CDH13: variants seen among roughly 807,000 people sequenced by gnomAD.
The protein encoded by CDH13 is cadherin-13.
CDH13 carries 24 observed loss-of-function variants against 63.8 expected under a neutral mutation model. That is an observed-to-expected ratio of 0.38 (90% CI 0.27 to 0.53). CDH13 has a LOEUF of 0.53. Among genes scored for constraint, CDH13 ranks in the 20% least tolerant of loss-of-function variants. CDH13 has a pLI of 0.85. For missense variants in CDH13, 1,049 were observed against 903.1 expected, an observed-to-expected ratio of 1.16 and a Z score of -2.07; for synonymous variants, 503 against 355.3, an observed-to-expected ratio of 1.42 and a Z score of -4.67.
chr16:83,313,465 A>T (rs545022868), intron 5 of CDH13, among the ~76,000 whole-genome samples: 28 of 152,178 alleles, frequency 1.8e-4, no homozygotes, highest in Non-Finnish European at 3.2e-4. Flanking sequence ...CTTTTCAGTA[A>T]GGTTACTCTG....
chr16:82,693,837 A>G (rs572668679), intron 1 of CDH13, among the ~76,000 whole-genome samples: 21 of 152,336 alleles, frequency 1.4e-4, no homozygotes, highest in African/African-American at 5.1e-4. Context: ...GGTCCCCATT[A>G]AAATTCCAGT....
At chr16:83,329,614 T>A (rs1033174919) in intron 5 of CDH13, among the ~76,000 whole-genome samples, 1 of 152,166 alleles carries the variant, frequency 6.6e-6, no homozygotes, top group African/African-American at 2.4e-5. Context: ...AATTTTTTCA[T>A]GCTATTGTGA....
intron 7 of CDH13, among the ~76,000 whole-genome samples, chr16:83,546,023 T>G (rs2075379985): frequency 6.6e-6 from 1 of 152,144 alleles, no homozygotes; most frequent in African/African-American, 2.4e-5. Flanking sequence ...AATACTTAAG[T>G]CCAGAAGTTC....
intron 4 of CDH13, among the ~76,000 whole-genome samples, chr16:83,182,165 G>C (rs926147160): frequency 1.3e-5 from 2 of 152,192 alleles, no homozygotes; most frequent in East Asian, 1.9e-4. Context: ...GATGCATTTT[G>C]AAAGGAAGTG....
intron 6 of CDH13, among the ~76,000 whole-genome samples, chr16:83,434,450 A>C (rs764038868): frequency 6.6e-6 from 1 of 152,126 alleles, no homozygotes; most frequent in Non-Finnish European, 1.5e-5. Flanking sequence ...GGCGTGGTCC[A>C]GCCCTGCCAC....
rs980178538 is a variant in CDH13 at position 83,673,691 on chromosome 16, T to G, written c.1284+2719T>G. Among the ~76,000 whole-genome samples, 7 of 152,240 alleles carry G rather than the reference T, an allele frequency of 4.6e-5. No homozygotes were observed. In the East Asian group the frequency reaches 7.7e-4, roughly 17 times the overall value. On this transcript the variant is annotated intron_variant, in intron 9 of 13. Transcript: ENST00000567109. ...AGTGGCTCTCAAATGCTAGCATATA[T>G]AAGAATCATCTGCAATGTTAGTTAA...
At chr16:83,673,288 A>T (rs1443878642) in intron 9 of CDH13, among the ~76,000 whole-genome samples, 2 of 152,234 alleles carry the variant, frequency 1.3e-5, no homozygotes, top group African/African-American at 4.8e-5. Flanking sequence ...AGCACATTGC[A>T]GTCAAGAAAT....
At chr16:83,507,981 G>A (rs573034789) in intron 7 of CDH13, among the ~76,000 whole-genome samples, 107 of 150,592 alleles carry the variant, frequency 7.1e-4, no homozygotes, top group African/African-American at 2.4e-3. Context: ...GCAGTGAGCC[G>A]AGATCGCGCC....
chr16:82,926,420 A>G (rs1311521726), intron 2 of CDH13, among the ~76,000 whole-genome samples: 1 of 152,220 alleles, frequency 6.6e-6, no homozygotes, highest in East Asian at 1.9e-4. Context: ...GAGTTGGAAC[A>G]CTGATTTGCA....
At chr16:83,725,053 A>C (rs549853004) in intron 10 of CDH13, among the ~76,000 whole-genome samples, 1 of 152,338 alleles carries the variant, frequency 6.6e-6, no homozygotes, top group African/African-American at 2.4e-5. Context: ...AGAAAGAAAG[A>C]GATGAATAAA....
chr16:83,203,530 C>CA (rs1037554740), intron 4 of CDH13, among the ~76,000 whole-genome samples: 2 of 150,400 alleles, frequency 1.3e-5, no homozygotes, highest in Admixed American at 6.6e-5. Flanking sequence ...ACTAAAAATA[C>CA]AAAAAAATTA....
chr16:83,053,371 A>G (rs1462226114), intron 3 of CDH13, among the ~76,000 whole-genome samples: 1 of 151,992 alleles, frequency 6.6e-6, no homozygotes, highest in Non-Finnish European at 1.5e-5. Flanking sequence ...ATATGTCTTC[A>G]TTTTCAGACA....
At chr16:83,356,849 A>G (rs564774711) in intron 6 of CDH13, among the ~76,000 whole-genome samples, 1 of 152,306 alleles carries the variant, frequency 6.6e-6, no homozygotes, top group Non-Finnish European at 1.5e-5. Context: ...TGCTTTAATT[A>G]TGGGTGCATT....
rs560553667 is a variant in CDH13, at chr16:83,735,826, C to T, written c.1539-12282C>T. The T allele has an allele frequency of 3.9e-5, 6 of 152,210 alleles. No homozygotes were observed. The East Asian group carries it at 1.2e-3, about 29-fold the overall frequency. The allele number at this position is 152,210 out of a possible 1,614,324, so 9.4% of individuals were successfully genotyped here. A position where few individuals can be genotyped will look rare whatever the true frequency, so the allele number is the denominator to read the frequency against. On this transcript the variant is annotated intron_variant, in intron 10 of 13. Transcript: ENST00000567109. ...TTTGGCTGCAAGAGAGAATTATAGG[C>T]CTGGTCGGGAGTTCATTCAGGATGT...
intron 3 of CDH13, among the ~76,000 whole-genome samples, chr16:83,086,923 C>T (rs995790610): frequency 6.6e-6 from 1 of 151,960 alleles, no homozygotes; most frequent in Non-Finnish European, 1.5e-5. Context: ...TTATAATGGC[C>T]AAAACTACAT....
At chr16:83,335,678 C>G (rs996558382) in intron 5 of CDH13, among the ~76,000 whole-genome samples, 1 of 152,166 alleles carries the variant, frequency 6.6e-6, no homozygotes, top group African/African-American at 2.4e-5. Context: ...CTGACCTAAT[C>G]CGTTATGTTA....
chr16:83,197,771 C>T (rs1209897592), intron 4 of CDH13, among the ~76,000 whole-genome samples: 1 of 151,116 alleles, frequency 6.6e-6, no homozygotes, highest in Admixed American at 6.6e-5. Context: ...CACACACACA[C>T]ACTCTCACAC....
intron 1 of CDH13, among the ~76,000 whole-genome samples, chr16:82,782,199 C>T (rs2035786068): frequency 6.6e-6 from 1 of 152,062 alleles, no homozygotes; most frequent in Non-Finnish European, 1.5e-5. Flanking sequence ...AGTAGGGGCT[C>T]AGAAAGCCAA....
intron 1 of CDH13, among the ~76,000 whole-genome samples, chr16:82,819,098 G>T (rs553868180): frequency 6.6e-6 from 1 of 152,300 alleles, no homozygotes; most frequent in South Asian, 2.1e-4. Flanking sequence ...TTATGAGAGA[G>T]AGAAAAATGC....
Sources: gnomAD v4.1 joint callset for allele counts (sites outside exome capture counted in the v4.1 genomes callset) on GRCh38, gnomAD v4.1.1 for gene constraint, MANE v1.5 for transcripts, NCBI Gene and HGNC (gene_info 2026-07-23, HGNC 2026-07-21) for gene names.